The following RPS3 variants were observed in gnomAD, a reference collection of about 807,000 sequenced individuals.
RPS3 encodes the protein ribosomal protein S3.
Under a neutral mutation model 25.8 loss-of-function variants are expected in RPS3, and 2 were observed. The ratio of observed to expected loss-of-function variants is 0.08; its 90% CI spans 0.03 to 0.24. RPS3 has a LOEUF of 0.24. Ranked by LOEUF, RPS3 falls within the 10% of genes least tolerant of loss-of-function variation. The pLI, the probability that RPS3 is intolerant of heterozygous loss-of-function variation, is 1.00. For synonymous variants in RPS3, 114 were observed against 114.2 expected, an observed-to-expected ratio of 1.00 and a Z score of 0.01; for missense variants, 107 against 307.1, an observed-to-expected ratio of 0.35 and a Z score of 4.87.
At chr11:75,410,647 G>A (rs1375536554), downstream of RPS3, among the ~76,000 whole-genome samples, 1 of 152,266 alleles carries the variant, frequency 6.6e-6, no homozygotes, top group Non-Finnish European at 1.5e-5. Context: ...CGGCTGGGAG[G>A]TGGTTGTAGC....
chr11:75,400,946 GATCTCGGCTCACTGC>G, intron 2 of RPS3, 122 bp downstream of exon 2: 1 of 1,318,238 alleles, frequency 7.6e-7, no homozygotes. Flanking sequence ...GCAGTGGCGC[GATCTCGGCTCACTGC>G]AAGCTCCGCC....
At chr11:75,407,175 G>C (rs1444985091), downstream of RPS3, among the ~76,000 whole-genome samples, 2 of 152,284 alleles carry the variant, frequency 1.3e-5, no homozygotes, top group East Asian at 1.9e-4. Flanking sequence ...TTTTGCTCTT[G>C]TGTGCCAGGC....
downstream of RPS3, among the ~76,000 whole-genome samples, chr11:75,409,800 T>C (rs1380458549): frequency 1.4e-5 from 2 of 146,162 alleles, no homozygotes; most frequent in Admixed American, 6.7e-5. Flanking sequence ...ATGGGGCGGC[T>C]GGCTGGGCGG....
At chr11:75,417,078 G>C (rs1406918960) in intron 6 of RPS3, among the ~76,000 whole-genome samples, 1 of 152,122 alleles carries the variant, frequency 6.6e-6, no homozygotes, top group African/African-American at 2.4e-5. Flanking sequence ...TAATCTTCCT[G>C]ACATCCCTTA....
At position 75,399,564 on chromosome 11, in the gene RPS3, C is replaced by G. The variant is rs1399258948; in HGVS notation, c.17C>G (p.Ser6Cys). Reference protein sequence around the residue: MAVQISKKRKFVADGI... With the variant: MAVQICKKRKFVADGI... ...GGCGGCAAGATGGCAGTGCAAATAT[C>G]CAAGAAGAGGAAGGTGAGCCTCTGG... Residue 6 changes from serine to cysteine, a missense_variant, in exon 1 of 7, where the codon TCC becomes TGC. Ser to Cys is a moderately radical substitution (Grantham distance 112). This residue lies in a region of RPS3 where 26 missense variants were observed against 20.4 expected (regional missense o/e 1.28). Coordinates refer to ENST00000531188, the MANE Select transcript of RPS3 (RefSeq NM_001005.5). 1.2e-6 allele frequency: 2 copies of G among 1,613,792 alleles called. No individual in the cohort carries two copies. The highest frequency in any genetic ancestry group is 2.2e-5 in the East Asian group (1 of 44,838).
intron 6 of RPS3, among the ~76,000 whole-genome samples, chr11:75,418,217 G>A (rs1170474338): frequency 6.6e-6 from 1 of 152,246 alleles, no homozygotes; most frequent in East Asian, 1.9e-4. Context: ...CTGGGTGGGG[G>A]GCCATGTGAT....
intron 6 of RPS3, among the ~76,000 whole-genome samples, chr11:75,420,280 CT>C (rs1333807555): frequency 8.5e-5 from 13 of 152,198 alleles, no homozygotes; most frequent in African/African-American, 3.1e-4. Context: ...GGGGTGTCAC[CT>C]TTTGCTTGTG....
At chr11:75,407,142 C>CT (rs942560637), downstream of RPS3, among the ~76,000 whole-genome samples, 1 of 152,150 alleles carries the variant, frequency 6.6e-6, no homozygotes, top group Non-Finnish European at 1.5e-5. Context: ...GGATTCCTGT[C>CT]TTTTTTATTT....
chr11:75,409,288 A>G (rs1013934171), downstream of RPS3, among the ~76,000 whole-genome samples: 782 of 142,746 alleles, frequency 5.5e-3, 3 homozygotes, highest in Non-Finnish European at 9.0e-3. Flanking sequence ...GCAGATAAAC[A>G]AGTGAACAAA....
chr11:75,420,168 C>G (rs1290686643), intron 6 of RPS3, among the ~76,000 whole-genome samples: 1 of 152,194 alleles, frequency 6.6e-6, no homozygotes, highest in South Asian at 2.1e-4. Context: ...CCCTCTCTTT[C>G]ATTTGGACTG....
At position 75,406,333 on chromosome 11, in the gene RPS3, A is replaced by G. The variant is rs1948287582; in HGVS notation, c.*723A>G. The G allele has an allele frequency of 6.6e-6, 1 of 152,234 alleles. No homozygotes were observed. The highest frequency in any genetic ancestry group is 6.5e-5 in the Admixed American group (1 of 15,280). The allele number at this position is 152,234 out of a possible 1,614,324, so 9.4% of individuals were successfully genotyped here. The stretch of plus-strand genomic sequence containing the variant: ...CGGCACTATTTTTTCAGGCAAAACT[A>G]GTGAGGGACAGGTTGGCTTGAAAAT... On this transcript the variant is annotated 3_prime_UTR_variant, in exon 7 of 7. Transcript: ENST00000531188.
chr11:75,407,449 C>G (rs1389793913), downstream of RPS3, among the ~76,000 whole-genome samples: 2 of 151,392 alleles, frequency 1.3e-5, no homozygotes, highest in African/African-American at 4.9e-5. Context: ...GTTGAACTTA[C>G]TTGAACATCC....
chr11:75,409,818 AC>A (rs775450824), downstream of RPS3, among the ~76,000 whole-genome samples: 14 of 130,352 alleles, frequency 1.1e-4, no homozygotes, highest in East Asian at 4.7e-4. Context: ...CGGGGGGCTG[AC>A]CCCCCCACCT....
At chr11:75,400,584 A>G in intron 1 of RPS3, 110 bp from the exon 2 acceptor site, 2 of 1,468,398 alleles carry the variant, frequency 1.4e-6, no homozygotes, top group African/African-American at 1.4e-5. Context: ...CATTGGTTGG[A>G]GGTATTTAGT....
At chr11:75,407,724 C>T (rs1297743143), downstream of RPS3, among the ~76,000 whole-genome samples, 1 of 151,076 alleles carries the variant, frequency 6.6e-6, no homozygotes. Flanking sequence ...GCCTCGGCCC[C>T]TCAAAGTGCT....
At chr11:75,418,793 G>A (rs1280639768) in intron 6 of RPS3, among the ~76,000 whole-genome samples, 1 of 152,182 alleles carries the variant, frequency 6.6e-6, no homozygotes, top group Non-Finnish European at 1.5e-5. Flanking sequence ...GTCCAGTGCT[G>A]TGCTAACCCC....
exon 7 of RPS3, chr11:75,422,258 T>C (rs950794210): frequency 2.7e-5 from 6 of 220,356 alleles, no homozygotes; most frequent in East Asian, 9.9e-5. Flanking sequence ...TCTGGCACTT[T>C]CCAGCCTTCA....
intron 6 of RPS3, among the ~76,000 whole-genome samples, chr11:75,417,600 C>T (rs994523910): frequency 6.6e-6 from 1 of 152,174 alleles, no homozygotes; most frequent in African/African-American, 2.4e-5. Context: ...CCGTCACACA[C>T]ACACAAAAAT....
chr11:75,421,774 G>A (rs1156465702), exon 7 of RPS3: 2 of 152,264 alleles, frequency 1.3e-5, no homozygotes, highest in Non-Finnish European at 2.9e-5. Flanking sequence ...GCTCCTAGCA[G>A]TGAGTCCTGA....
Sources: allele counts gnomAD v4.1 joint callset (sites outside exome capture counted in the v4.1 genomes callset), GRCh38; gene constraint gnomAD v4.1.1; regional missense constraint gnomAD v4.1.1; transcripts MANE v1.5; gene names NCBI Gene and HGNC (gene_info 2026-07-23, HGNC 2026-07-21).